Variants in ARHGAP23 observed in about 807,000 individuals in gnomAD.
ARHGAP23 encodes the protein Rho GTPase activating protein 23.
Under a neutral mutation model 136.3 loss-of-function variants are expected in ARHGAP23, and 34 were observed. That is an observed-to-expected ratio of 0.25 (90% confidence interval 0.19 to 0.33). ARHGAP23 has a LOEUF of 0.33. ARHGAP23 is among the 10% of genes least tolerant of loss of function. ARHGAP23 has a pLI of 1.00. For missense variants in ARHGAP23, 1,808 were observed against 2,139.0 expected (o/e 0.85, Z 3.05); for synonymous variants, 832 against 920.5 (o/e 0.90, Z 1.74).
chr17:38,434,367 C>G (rs1334476827), intron 1 of ARHGAP23, among the ~76,000 whole-genome samples: 4 of 152,268 alleles, frequency 2.6e-5, no homozygotes, highest in Non-Finnish European at 4.4e-5. Flanking sequence ...TCCCCAACCG[C>G]TGGGAATCTG....
At chr17:38,466,047 C>G in intron 6 of ARHGAP23, 120 bp from the exon 7 acceptor site, 1 of 756,838 alleles carries the variant, frequency 1.3e-6, no homozygotes, top group South Asian at 2.4e-5. Context: ...CTCGTTCCCC[C>G]CACCGCTTGG....
chr17:38,431,100 C>T (rs1380777291), intron 1 of ARHGAP23, among the ~76,000 whole-genome samples: 1 of 152,156 alleles, frequency 6.6e-6, no homozygotes, highest in East Asian at 1.9e-4. Context: ...TAGAGTCTGG[C>T]TCTCACCCTC....
In ARHGAP23 at chr17:38,499,123, T is replaced by C. The variant is rs575657116; in HGVS notation, c.3415+613T>C. Among the ~76,000 whole-genome samples, 254 of 152,200 alleles carry C rather than the reference T, an allele frequency of 1.7e-3. 1 individual carries two copies. The highest frequency in any genetic ancestry group is 0.014 in the South Asian group (67 of 4,830). On this transcript the variant is annotated intron_variant, in intron 22 of 23. Coordinates refer to ENST00000622683, the MANE Select transcript of ARHGAP23 (RefSeq NM_001199417.2). ...CCCCAGCAGTCCATGCCCCTCCCAT[T>C]CTAAAGCCCCTTCTCAGGAGGAAGG...
intron 17 of ARHGAP23, among the ~76,000 whole-genome samples, chr17:38,488,543 G>T (rs2040205019): frequency 6.6e-6 from 1 of 152,148 alleles, no homozygotes; most frequent in Non-Finnish European, 1.5e-5. Flanking sequence ...ATTTTTTGTT[G>T]TTGTTGTTTT....
At position 38,510,006 on chromosome 17, in the gene ARHGAP23, G is replaced by A. The variant is rs1168084631; in HGVS notation, c.3510G>A (p.Ser1170=). The A allele has an allele frequency of 6.4e-6, 8 of 1,251,284 alleles. No individual in the cohort carries two copies. The highest frequency in any genetic ancestry group is 8.0e-6 in the Non-Finnish European group (8 of 995,928). The allele number at this position is 1,251,284 out of a possible 1,614,324, so 77.5% of individuals were successfully genotyped here. The change falls in exon 24 of 24, where the codon TCG becomes TCA. Residue 1170 remains serine (S), a synonymous_variant. Transcript: ENST00000622683. The surrounding 1 kb of genome is among the most constrained non-coding windows in gnomAD (Gnocchi z 4.6). The stretch of plus-strand genomic sequence containing the variant: ...AGATGCTGGCGATCTCCTTCATCTC[G>A]GCCGTCAACCGCAAGCGCAAGAAGC... ...AREMLAISFI[S]AVNRKRKKRR...
At chr17:38,445,116 C>A (rs952911987) in intron 1 of ARHGAP23, among the ~76,000 whole-genome samples, 1 of 151,710 alleles carries the variant, frequency 6.6e-6, no homozygotes, top group Non-Finnish European at 1.5e-5. Context: ...CCGTGCCTGG[C>A]CTTTTATTTT....
intron 23 of ARHGAP23, among the ~76,000 whole-genome samples, chr17:38,502,178 C>G (rs892354961): frequency 6.6e-6 from 1 of 152,090 alleles, no homozygotes; most frequent in Non-Finnish European, 1.5e-5. Flanking sequence ...TGGTGGCATG[C>G]GCCTGTAATC....
chr17:38,447,319 G>A (rs1184061156), intron 1 of ARHGAP23, among the ~76,000 whole-genome samples: 1 of 151,260 alleles, frequency 6.6e-6, no homozygotes, highest in African/African-American at 2.4e-5. Context: ...GCACGTGCCT[G>A]TAATCCCAGC....
At chr17:38,473,698 G>A (rs2039820049) in intron 11 of ARHGAP23, among the ~76,000 whole-genome samples, 1 of 151,122 alleles carries the variant, frequency 6.6e-6, no homozygotes, top group Non-Finnish European at 1.5e-5. Context: ...GTGGGCGTGG[G>A]TAGGGAGGTA....
chr17:38,447,437 G>GAAAAAAAAAAAAAAA lies in ARHGAP23; in HGVS notation c.64-10651_64-10637dup. On this transcript the variant is annotated intron_variant, in intron 1 of 23. Transcript: ENST00000622683. ...AGCCTGGGCAACAGAGACTCCGTCTGAAAAAAAAAAAAAAAAAAAAAAAAA... is the reference window on the plus strand; with the variant it reads ...AGCCTGGGCAACAGAGACTCCGTCTGAAAAAAAAAAAAAAAAAAAAAAAAAAAAAAAAAAAAAAAA... Among the ~76,000 whole-genome samples, 63 of 25,642 alleles carry GAAAAAAAAAAAAAAA rather than the reference G, an allele frequency of 2.5e-3. 2 individuals are homozygous for GAAAAAAAAAAAAAAA. The highest frequency in any genetic ancestry group is 4.0e-3 in the Admixed American group (7 of 1,734). The allele number at this position is 25,642 out of a possible 152,430, so 16.8% of individuals were successfully genotyped here. A position where few individuals can be genotyped will look rare whatever the true frequency, so the allele number is the denominator to read the frequency against.
At position 38,458,083 on chromosome 17, in the gene ARHGAP23, G is replaced by C; in HGVS notation, c.64-19G>C. On this transcript the variant is annotated intron_variant, in intron 1 of 23. Coordinates refer to ENST00000622683, the MANE Select transcript of ARHGAP23 (RefSeq NM_001199417.2). ...GTCAGCCACACGGGCGCTCAGCCTG[G>C]CCTCTCTGTCTCCCACAGCTGCCAC... is the stretch of plus-strand genomic sequence containing the variant. The C allele has an allele frequency of 6.5e-7, 1 of 1,535,758 alleles. No individual in the cohort carries two copies. Among genetic ancestry groups the C allele is most frequent in the Non-Finnish European group, 8.7e-7 (1 of 1,146,832 alleles).
intron 17 of ARHGAP23, among the ~76,000 whole-genome samples, chr17:38,487,791 G>A (rs1018233468): frequency 7.2e-5 from 11 of 152,058 alleles, no homozygotes; most frequent in Admixed American, 1.3e-4. Flanking sequence ...TTGATCCCAG[G>A]AGGCAGAGGT....
At chr17:38,479,406 C>T (rs1176580354) in intron 12 of ARHGAP23, 30 bp from the exon 13 acceptor site, 19 of 1,533,898 alleles carry the variant, frequency 1.2e-5, no homozygotes, top group Non-Finnish European at 1.7e-5. Flanking sequence ...TGGGCACTGA[C>T]ATGATCCGCT....
chr17:38,491,735 G>C (rs2040283288), intron 20 of ARHGAP23: 1 of 708,422 alleles, frequency 1.4e-6, no homozygotes, highest in Non-Finnish European at 2.3e-6. Context: ...TGGAATCCCT[G>C]CTGCCCTGGG....
intron 2 of ARHGAP23, 78 bp downstream of exon 2, chr17:38,458,341 A>G (rs940015724): frequency 4.2e-6 from 6 of 1,434,472 alleles, no homozygotes; most frequent in Non-Finnish European, 5.5e-6. Flanking sequence ...AGTCCCCTTC[A>G]TGGTCCTTTC....
chr17:38,471,224 A>T (rs2039749357), intron 10 of ARHGAP23, among the ~76,000 whole-genome samples: 1 of 152,202 alleles, frequency 6.6e-6, no homozygotes. Flanking sequence ...AAGTGCTGGG[A>T]TTACAGGCAT....
At chr17:38,461,056 C>T in intron 3 of ARHGAP23, 124 bp downstream of exon 3, 1 of 1,465,134 alleles carries the variant, frequency 6.8e-7, no homozygotes, top group Admixed American at 2.3e-5. Context: ...CCTGTTCCTG[C>T]CTTTGCTCCT....
upstream of ARHGAP23, among the ~76,000 whole-genome samples, chr17:38,425,274 C>G (rs1186047896): frequency 6.6e-6 from 1 of 152,184 alleles, no homozygotes; most frequent in Non-Finnish European, 1.5e-5. Context: ...CCTGCTCTCT[C>G]TCCTGCCTCC....
intron 20 of ARHGAP23, among the ~76,000 whole-genome samples, chr17:38,496,111 T>C (rs1259668863): frequency 6.6e-6 from 1 of 152,098 alleles, no homozygotes; most frequent in Non-Finnish European, 1.5e-5. Context: ...TTGGCCAGGT[T>C]GGTCTCAAAC....
Sources: allele counts gnomAD v4.1 joint callset (sites outside exome capture counted in the v4.1 genomes callset), GRCh38; gene constraint gnomAD v4.1.1; non-coding constraint Gnocchi (gnomAD v3.1); transcripts MANE v1.5; gene names NCBI Gene and HGNC (gene_info 2026-07-23, HGNC 2026-07-21).